Variants in TBC1D22A observed in about 807,000 individuals in gnomAD.
TBC1D22A encodes putative GTPase activator.
Under a neutral mutation model 60.2 loss-of-function variants are expected in TBC1D22A, and 38 were observed. The observed-to-expected ratio is 0.63, with a 90% CI of 0.49 to 0.83. TBC1D22A has a LOEUF of 0.83. TBC1D22A is among the 40% of genes least tolerant of loss of function. The pLI is 0.00. For missense variants in TBC1D22A, 628 were observed against 701.0 expected, an observed-to-expected ratio of 0.90 and a Z score of 1.18; for synonymous variants, 302 against 281.7, an observed-to-expected ratio of 1.07 and a Z score of -0.72.
intron 12 of TBC1D22A, among the ~76,000 whole-genome samples, chr22:47,157,248 T>C (rs1247492528): frequency 6.6e-6 from 1 of 152,214 alleles, no homozygotes; most frequent in Non-Finnish European, 1.5e-5. Context: ...TCCTCCCACC[T>C]GGAGAGAGAA....
At chr22:47,012,872 T>C (rs2061794888) in intron 10 of TBC1D22A, among the ~76,000 whole-genome samples, 1 of 152,218 alleles carries the variant, frequency 6.6e-6, no homozygotes, top group African/African-American at 2.4e-5. Context: ...GAGCTCATCC[T>C]TCCAGGCCTG....
At chr22:46,953,022 C>A (rs2072999840) in intron 8 of TBC1D22A, among the ~76,000 whole-genome samples, 1 of 152,172 alleles carries the variant, frequency 6.6e-6, no homozygotes, top group Non-Finnish European at 1.5e-5. Flanking sequence ...CCTTGCTTCC[C>A]ATACTGCACT....
intron 7 of TBC1D22A, among the ~76,000 whole-genome samples, chr22:46,909,980 G>T (rs902509396): frequency 6.6e-6 from 1 of 152,244 alleles, no homozygotes; most frequent in African/African-American, 2.4e-5. Flanking sequence ...GCTACTTGCA[G>T]CTCGGCTAAA....
chr22:47,095,623 C>CCT (rs3085324), intron 11 of TBC1D22A, among the ~76,000 whole-genome samples: 70,671 of 152,006 alleles, frequency 0.46, 17,044 homozygotes, highest in East Asian at 0.59. Context: ...AGGATTTCCC[C>CCT]GTCTCCCAAC....
intron 11 of TBC1D22A, among the ~76,000 whole-genome samples, chr22:47,062,136 C>T (rs1437802070): frequency 6.6e-6 from 1 of 151,082 alleles, no homozygotes; most frequent in African/African-American, 2.5e-5. Context: ...AGTCCTCCGC[C>T]CCCTTTGTTG....
intron 12 of TBC1D22A, among the ~76,000 whole-genome samples, chr22:47,159,847 TACAG>T (rs1335189974): frequency 6.6e-6 from 1 of 151,116 alleles, no homozygotes; most frequent in Non-Finnish European, 1.5e-5. Flanking sequence ...ACACTCCACA[TACAG>T]ACACAACATC....
chr22:46,825,411 G>T (rs1260336054), intron 4 of TBC1D22A, among the ~76,000 whole-genome samples: 1 of 152,182 alleles, frequency 6.6e-6, no homozygotes, highest in Non-Finnish European at 1.5e-5. Context: ...GAGATGCAGA[G>T]AACTTTGTTC....
chr22:46,846,637 G>A (rs1372640652), intron 4 of TBC1D22A, among the ~76,000 whole-genome samples: 1 of 152,218 alleles, frequency 6.6e-6, no homozygotes, highest in Non-Finnish European at 1.5e-5. Context: ...CGAGAGAACA[G>A]TGCAGTGAAG....
intron 11 of TBC1D22A, among the ~76,000 whole-genome samples, chr22:47,071,322 A>G (rs2063979092): frequency 6.6e-6 from 1 of 152,220 alleles, no homozygotes; most frequent in Admixed American, 6.5e-5. Context: ...GCTGTGGCCA[A>G]GGAAAAGAGG....
At chr22:47,171,985 C>T (rs1449010894) in intron 12 of TBC1D22A, among the ~76,000 whole-genome samples, 1 of 147,402 alleles carries the variant, frequency 6.8e-6, no homozygotes, top group Non-Finnish European at 1.5e-5. Context: ...AACGCACCTG[C>T]CCAGTGCGCC....
rs568433025 is a variant in TBC1D22A, at chr22:47,139,268, C to T, written c.1425+27665C>T. Reference sequence around the variant, plus strand: ...TGGCCCTTGGTTCCAGTTGCCCGCACGGAACTGTGTGTCTGGGGCCCAGTT... The same window carrying T: ...TGGCCCTTGGTTCCAGTTGCCCGCATGGAACTGTGTGTCTGGGGCCCAGTT... On this transcript the variant is annotated intron_variant, in intron 12 of 12. Transcript: ENST00000337137. Among the ~76,000 whole-genome samples, 37 of 152,348 alleles carry T rather than the reference C, an allele frequency of 2.4e-4. No individual in the cohort carries two copies. The East Asian group carries it at 4.6e-3, about 19-fold the overall frequency.
intron 11 of TBC1D22A, among the ~76,000 whole-genome samples, chr22:47,091,660 TGCTTCA>T (rs2064983576): frequency 1.3e-5 from 2 of 152,254 alleles, no homozygotes; most frequent in South Asian, 2.1e-4. Context: ...CCTGGCAGGC[TGCTTCA>T]GCCTTCACAA....
chr22:46,944,950 A>G (rs9627625), intron 8 of TBC1D22A, among the ~76,000 whole-genome samples: 2,927 of 152,346 alleles, frequency 0.019, 97 homozygotes, highest in African/African-American at 0.068. Context: ...AGATAATTAA[A>G]TATGTATAGA....
chr22:47,098,073 G>T (rs889314712), intron 11 of TBC1D22A, among the ~76,000 whole-genome samples: 6 of 151,644 alleles, frequency 4.0e-5, no homozygotes, highest in Non-Finnish European at 5.9e-5. Flanking sequence ...AAAAAAAAAA[G>T]AAAAAGAAAA....
rs1198024650 is a variant in TBC1D22A at position 47,009,857 on chromosome 22, C to T, written c.1201+12148C>T. ...GGACCTTGTTGAGCTGCCAAGGGCC[C>T]TGTCCATGCCTGCTCCTGAGGCAGC... On this transcript the variant is annotated intron_variant, in intron 10 of 12. Transcript: ENST00000337137. The surrounding 1 kb of genome is among the most constrained non-coding windows in gnomAD (Gnocchi z 5.8). Among the ~76,000 whole-genome samples the T allele has an allele frequency of 6.6e-6, 1 of 152,236 alleles. No individual in the cohort carries two copies. Among genetic ancestry groups the T allele is most frequent in the Non-Finnish European group, 1.5e-5 (1 of 68,050 alleles).
At chr22:47,108,923 C>T (rs561298088) in intron 11 of TBC1D22A, among the ~76,000 whole-genome samples, 22 of 152,326 alleles carry the variant, frequency 1.4e-4, no homozygotes, top group African/African-American at 4.6e-4. Flanking sequence ...TCTTGATCTC[C>T]TGACCTTGTG....
At chr22:47,095,702 C>T (rs2065144966) in intron 11 of TBC1D22A, among the ~76,000 whole-genome samples, 1 of 152,230 alleles carries the variant, frequency 6.6e-6, no homozygotes, top group South Asian at 2.1e-4. Context: ...CTCTCAAACT[C>T]CAGGGCCCTG....
intron 11 of TBC1D22A, among the ~76,000 whole-genome samples, chr22:47,059,951 C>G (rs943150311): frequency 3.3e-5 from 5 of 152,118 alleles, no homozygotes; most frequent in African/African-American, 1.2e-4. Flanking sequence ...TTCCAGGGTA[C>G]AGGAGGCTGC....
intron 5 of TBC1D22A, among the ~76,000 whole-genome samples, chr22:46,882,061 C>T (rs1352884418): frequency 2.0e-5 from 3 of 152,190 alleles, no homozygotes; most frequent in East Asian, 1.9e-4. Context: ...GAAGGGGTCT[C>T]CCCAATCAAG....
Sources: gnomAD v4.1 joint callset for allele counts (sites outside exome capture counted in the v4.1 genomes callset) on GRCh38, gnomAD v4.1.1 for gene constraint, Gnocchi (gnomAD v3.1) non-coding constraint, MANE v1.5 for transcripts, NCBI Gene and HGNC (gene_info 2026-07-23, HGNC 2026-07-21) for gene names.